KCNT1: variants seen among roughly 807,000 people sequenced by gnomAD.
The protein encoded by KCNT1 is potassium sodium-activated channel subfamily T member 1, also known as potassium channel subfamily T member 1.
KCNT1 carries 78 observed loss-of-function variants against 147.8 expected under a neutral mutation model. The ratio of observed to expected loss-of-function variants is 0.53; its 90% CI spans 0.44 to 0.64. KCNT1 has a LOEUF of 0.64. Among genes scored for constraint, KCNT1 ranks in the 30% least tolerant of loss-of-function variants. The pLI, the probability that KCNT1 is intolerant of heterozygous loss-of-function variation, is 0.00. For synonymous variants in KCNT1, 867 were observed against 748.8 expected (o/e 1.16, Z -2.58); for missense variants, 1,419 against 1,750.3 (o/e 0.81, Z 3.38).
At position 135,792,220 on chromosome 9, in the gene KCNT1, G is replaced by A; in HGVS notation, c.*59G>A. 6.4e-7 allele frequency: 1 copy of A among 1,564,174 alleles called. No individual in the cohort carries two copies. The highest frequency in any genetic ancestry group is 8.6e-7 in the Non-Finnish European group (1 of 1,157,368). ...CGGGGTCCTCAGGAAGGACGTGGAG[G>A]AGCGTGTGAGGACACGGTGGCACTA... On this transcript the variant is annotated 3_prime_UTR_variant, in exon 31 of 31. Coordinates refer to ENST00000371757, the MANE Select transcript of KCNT1 (RefSeq NM_020822.3).
At chr9:135,734,573 C>T (rs893139030) in intron 2 of KCNT1, among the ~76,000 whole-genome samples, 7 of 152,144 alleles carry the variant, frequency 4.6e-5, no homozygotes, top group East Asian at 1.9e-4. Context: ...ATGGACAACA[C>T]GGCACAGATG....
rs1290827763 is a variant in KCNT1 at position 135,734,970 on chromosome 9, A to G, written c.255-15128A>G. 3.3e-5 allele frequency among the ~76,000 whole-genome samples: 5 copies of G among 152,298 alleles called. No individual in the cohort carries two copies. In the East Asian group the frequency reaches 9.7e-4, roughly 29 times the overall value. ...CTGGTCTGTTTACTCACAGCACAGCATGGGGCTCACTCAGCAGCACGCCCA... is the reference window on the plus strand; with the variant it reads ...CTGGTCTGTTTACTCACAGCACAGCGTGGGGCTCACTCAGCAGCACGCCCA... On this transcript the variant is annotated intron_variant, in intron 2 of 30. Transcript: ENST00000371757.
chr9:135,718,496 C>T (rs117971808), intron 2 of KCNT1, among the ~76,000 whole-genome samples: 1 of 152,192 alleles, frequency 6.6e-6, no homozygotes, highest in African/African-American at 2.4e-5. Flanking sequence ...AGGCTCCACT[C>T]GGGCCCCTGA....
At chr9:135,710,276 G>A (rs1457861702) in intron 1 of KCNT1, among the ~76,000 whole-genome samples, 1 of 152,108 alleles carries the variant, frequency 6.6e-6, no homozygotes, top group Non-Finnish European at 1.5e-5. Flanking sequence ...GCTGCAGATG[G>A]GGTCTAATCT....
chr9:135,788,055 C>T lies in KCNT1; in HGVS notation c.3502+1534C>T, dbSNP rs376610959. ...CCCGCACCTCGCTTGCTGATATTCT[C>T]TCTCTCTCTCTTTCTGTCTGTGCCT... is the stretch of plus-strand genomic sequence containing the variant. On this transcript the variant is annotated intron_variant, in intron 29 of 30. Coordinates refer to ENST00000371757, the MANE Select transcript of KCNT1 (RefSeq NM_020822.3). 1.3e-4 allele frequency: 190 copies of T among 1,443,924 alleles called. 3 individuals carry two copies. In the South Asian group the frequency reaches 1.9e-3, roughly 15 times the overall value. 89.4% of individuals were successfully genotyped at this position (1,443,924 alleles called of 1,614,324 possible).
At chr9:135,711,874 C>T (rs1835506708) in intron 1 of KCNT1, among the ~76,000 whole-genome samples, 2 of 152,370 alleles carry the variant, frequency 1.3e-5, no homozygotes, top group East Asian at 1.9e-4. Context: ...CTGAAGCACT[C>T]ACCTGCAGGC....
chr9:135,727,662 C>T (rs1408492257), intron 2 of KCNT1, among the ~76,000 whole-genome samples: 5 of 152,156 alleles, frequency 3.3e-5, no homozygotes, highest in African/African-American at 7.2e-5. Context: ...GGGTGGTGTC[C>T]GCCATGCCAA....
intron 19 of KCNT1, 51 bp from the exon 20 acceptor site, chr9:135,775,259 A>T: frequency 7.0e-7 from 1 of 1,437,950 alleles, no homozygotes; most frequent in East Asian, 2.5e-5. Flanking sequence ...CCCAGAGCAG[A>T]CCCAGCCACC....
chr9:135,749,683 G>C (rs1831038986), intron 2 of KCNT1, among the ~76,000 whole-genome samples: 1 of 152,228 alleles, frequency 6.6e-6, no homozygotes. Context: ...AGGTCCTACG[G>C]CATGTTCTGA....
intron 11 of KCNT1, among the ~76,000 whole-genome samples, chr9:135,764,078 T>A (rs1205712173): frequency 6.6e-6 from 1 of 152,158 alleles, no homozygotes. Flanking sequence ...ATAAGTGCAA[T>A]GCGATGGTCC....
chr9:135,766,914 A>C (rs1462612648), intron 13 of KCNT1: 4 of 152,198 alleles, frequency 2.6e-5, no homozygotes, highest in Admixed American at 2.6e-4. Context: ...CGGGAGAGTC[A>C]GCTGCTGTGA....
At chr9:135,717,623 C>T (rs892413946) in intron 2 of KCNT1, among the ~76,000 whole-genome samples, 7 of 152,166 alleles carry the variant, frequency 4.6e-5, no homozygotes, top group Non-Finnish European at 8.8e-5. Flanking sequence ...GCTCGCCAGC[C>T]GCTGCCCGGC....
At chr9:135,723,507 C>T (rs1036468009) in intron 2 of KCNT1, among the ~76,000 whole-genome samples, 2 of 152,212 alleles carry the variant, frequency 1.3e-5, no homozygotes, top group African/African-American at 4.8e-5. Flanking sequence ...TTGTGCACCA[C>T]GTGAGCGTGT....
At chr9:135,782,344 C>T (rs1187640715) in intron 24 of KCNT1, among the ~76,000 whole-genome samples, 1 of 152,304 alleles carries the variant, frequency 6.6e-6, no homozygotes, top group East Asian at 1.9e-4. Flanking sequence ...GGCCCACCTC[C>T]CCTGCCGTCC....
At chr9:135,778,920 C>A in intron 23 of KCNT1, 98 bp downstream of exon 23, 1 of 1,419,078 alleles carries the variant, frequency 7.0e-7, no homozygotes, top group South Asian at 1.3e-5. Flanking sequence ...CGGGCCCTCG[C>A]CCTGAGACCC....
Position 135,792,104 on chromosome 9 carries a change from C to T in KCNT1, c.3651C>T (p.Ser1217=), listed in dbSNP as rs756986311. 6.2e-7 allele frequency: 1 copy of T among 1,604,598 alleles called. No homozygotes were observed. Among genetic ancestry groups the T allele is most frequent in the Non-Finnish European group, 8.5e-7 (1 of 1,179,408 alleles). Residue 1217 remains serine, a synonymous_variant, in exon 31 of 31, where the codon AGC becomes AGT. Coordinates refer to ENST00000371757, the MANE Select transcript of KCNT1 (RefSeq NM_020822.3). ...VASSSQSRKS[S]CSHKLSSCNP... ...GCAGCTCCCAGAGCCGGAAGAGCAG[C>T]TGCAGCCACAAGCTGTCGTCCTGCA...
chr9:135,771,076 C>T lies in KCNT1; in HGVS notation c.1989C>T (p.His663=). 6.2e-7 allele frequency: 1 copy of T among 1,611,576 alleles called. No homozygotes were observed. Among genetic ancestry groups the T allele is most frequent in the Non-Finnish European group, 8.5e-7 (1 of 1,179,082 alleles). Residue 663 remains histidine (H), a synonymous_variant, in exon 18 of 31, where the codon CAC becomes CAT. Transcript: ENST00000371757. ...LHEGPARLPV[H]SIIASMGTVA... ...AGGGTCCGGCCCGCCTGCCCGTGCA[C>T]AGCATCATCGCCTCCATGGGTGAGC...
chr9:135,720,686 A>G (rs1233950009), intron 2 of KCNT1, among the ~76,000 whole-genome samples: 6 of 152,158 alleles, frequency 3.9e-5, no homozygotes, highest in Non-Finnish European at 8.8e-5. Flanking sequence ...TGCTCTCTGA[A>G]GGCCACTCTG....
chr9:135,791,681 G>A (rs887620682), intron 29 of KCNT1, 116 bp from the exon 30 acceptor site: 5 of 873,848 alleles, frequency 5.7e-6, no homozygotes, highest in Admixed American at 3.8e-5. Flanking sequence ...GAGCAGAATG[G>A]TCAGGAAGGC....
Sources: allele counts gnomAD v4.1 joint callset (sites outside exome capture counted in the v4.1 genomes callset), GRCh38; gene constraint gnomAD v4.1.1; transcripts MANE v1.5; gene names NCBI Gene and HGNC (gene_info 2026-07-23, HGNC 2026-07-21).